PDE11A: variants seen among roughly 807,000 people sequenced by gnomAD.
PDE11A encodes phosphodiesterase 11A, also known as dual 3',5'-cyclic-AMP and -GMP phosphodiesterase 11A.
A neutral mutation model predicts 100.5 loss-of-function variants in PDE11A; 100 were observed. The observed-to-expected ratio is 1.00, with a 90% CI of 0.85 to 1.18. The LOEUF (loss-of-function observed/expected upper bound fraction) is 1.18. PDE11A is among the 50% of genes most tolerant of loss of function. The pLI is 0.00. For missense variants in PDE11A, 1,141 were observed against 1,152.6 expected (o/e 0.99, Z 0.15); for synonymous variants, 381 against 420.8 (o/e 0.91, Z 1.16).
chr2:177,769,287 T>A, intron 10 of PDE11A, 36 bp downstream of exon 10: 3 of 1,278,304 alleles, frequency 2.3e-6, no homozygotes, highest in South Asian at 1.2e-5. Flanking sequence ...GAAGTTTAAC[T>A]GTATGCACTA....
At chr2:177,757,996 T>C (rs1039529242) in intron 10 of PDE11A, among the ~76,000 whole-genome samples, 3 of 151,968 alleles carry the variant, frequency 2.0e-5, no homozygotes, top group African/African-American at 7.3e-5. Context: ...TCTTAGAATA[T>C]TCTCTGTGGA....
At chr2:177,775,488 T>C (rs1558932429) in intron 9 of PDE11A, among the ~76,000 whole-genome samples, 3 of 152,174 alleles carry the variant, frequency 2.0e-5, no homozygotes, top group Non-Finnish European at 4.4e-5. Flanking sequence ...TTTCCTTCAA[T>C]GGCATCCACA....
intron 1 of PDE11A, among the ~76,000 whole-genome samples, chr2:178,026,669 A>T (rs995705864): frequency 1.3e-4 from 20 of 152,042 alleles, no homozygotes; most frequent in African/African-American, 4.6e-4. Flanking sequence ...TCAAAAAAAA[A>T]AAAAGAAAAG....
At chr2:177,889,413 G>A (rs936540046) in intron 4 of PDE11A, among the ~76,000 whole-genome samples, 1 of 151,970 alleles carries the variant, frequency 6.6e-6, no homozygotes, top group African/African-American at 2.4e-5. Context: ...CTGAAATGGT[G>A]TGTTCCTTCA....
At chr2:177,682,536 T>C (rs561633591) in intron 15 of PDE11A, among the ~76,000 whole-genome samples, 1 of 152,372 alleles carries the variant, frequency 6.6e-6, no homozygotes, top group South Asian at 2.1e-4. Context: ...AGGAATATTT[T>C]AGTTAGATGA....
chr2:177,971,040 A>G (rs1012681586), intron 2 of PDE11A, among the ~76,000 whole-genome samples: 4 of 152,190 alleles, frequency 2.6e-5, no homozygotes, highest in African/African-American at 9.7e-5. Flanking sequence ...ATACATTCAC[A>G]CTTGAGTAAT....
intron 6 of PDE11A, among the ~76,000 whole-genome samples, chr2:177,829,382 A>G (rs1037011411): frequency 6.6e-6 from 1 of 152,074 alleles, no homozygotes; most frequent in African/African-American, 2.4e-5. Context: ...GGATATATAG[A>G]TTGCTTCATG....
At chr2:178,078,538 G>T (rs1334148202) in intron 2 of PDE11A, among the ~76,000 whole-genome samples, 7 of 152,072 alleles carry the variant, frequency 4.6e-5, no homozygotes, top group Non-Finnish European at 8.8e-5. Context: ...ATATCTTGGT[G>T]AACGATAATG....
intron 5 of PDE11A, among the ~76,000 whole-genome samples, chr2:177,853,938 G>A (rs555031782): frequency 6.8e-6 from 1 of 146,316 alleles, no homozygotes; most frequent in African/African-American, 2.5e-5. Flanking sequence ...ATATATGTGT[G>A]TATATATATC....
At chr2:177,631,808 C>T (rs966401239) in intron 19 of PDE11A, among the ~76,000 whole-genome samples, 3 of 151,560 alleles carry the variant, frequency 2.0e-5, no homozygotes, top group African/African-American at 4.9e-5. Flanking sequence ...TGGCATCCCA[C>T]GTGGATGAGG....
chr2:177,686,291 G>A (rs2080947403), intron 15 of PDE11A, among the ~76,000 whole-genome samples: 1 of 152,214 alleles, frequency 6.6e-6, no homozygotes, highest in South Asian at 2.1e-4. Flanking sequence ...GAGAGGCCAG[G>A]TATAGTGGGT....
intron 14 of PDE11A, among the ~76,000 whole-genome samples, chr2:177,699,396 G>A (rs926158048): frequency 2.6e-5 from 4 of 152,214 alleles, no homozygotes; most frequent in African/African-American, 9.6e-5. Flanking sequence ...ATCAAAACAT[G>A]TTGCATGTGA....
intron 16 of PDE11A, chr2:177,675,903 G>A (rs991688387): frequency 1.8e-5 from 6 of 336,618 alleles, no homozygotes; most frequent in Non-Finnish European, 3.5e-5. Flanking sequence ...ATACATGGCT[G>A]ATGAAACTAC....
At chr2:177,769,885 C>CA (rs10572990) in intron 9 of PDE11A, among the ~76,000 whole-genome samples, 2,203 of 70,208 alleles carry the variant, frequency 0.031, 32 homozygotes, top group Non-Finnish European at 0.043. Context: ...AAGACCCTAT[C>CA]AAAAAAAAAA....
At chr2:177,998,896 A>T in intron 2 of PDE11A, 1 of 505,626 alleles carries the variant, frequency 2.0e-6, no homozygotes, top group Non-Finnish European at 3.6e-6. Context: ...TTTAAAGTGT[A>T]AAACAATGGA....
At chr2:177,987,849 T>A (rs2105807658) in intron 2 of PDE11A, among the ~76,000 whole-genome samples, 1 of 152,372 alleles carries the variant, frequency 6.6e-6, no homozygotes, top group East Asian at 1.9e-4. Context: ...TTTATTAGCT[T>A]TTCAATGGCT....
intron 9 of PDE11A, among the ~76,000 whole-genome samples, chr2:177,800,763 G>A (rs995147975): frequency 6.6e-6 from 1 of 152,114 alleles, no homozygotes; most frequent in Non-Finnish European, 1.5e-5. Flanking sequence ...AGCCTAGCAG[G>A]AGTACACTAG....
chr2:177,893,806 T>C (rs917039355), intron 4 of PDE11A, among the ~76,000 whole-genome samples: 1 of 152,180 alleles, frequency 6.6e-6, no homozygotes, highest in East Asian at 1.9e-4. Flanking sequence ...TCATAAGTAA[T>C]ATGGAAAAGG....
intron 15 of PDE11A, among the ~76,000 whole-genome samples, chr2:177,682,706 TAA>T (rs1430031193): frequency 1.3e-5 from 2 of 151,858 alleles, no homozygotes; most frequent in Non-Finnish European, 2.9e-5. Flanking sequence ...ATGCTAGACT[TAA>T]GAGGTGCTCC....
Sources: allele counts gnomAD v4.1 joint callset (sites outside exome capture counted in the v4.1 genomes callset), GRCh38; gene constraint gnomAD v4.1.1; transcripts MANE v1.5; gene names NCBI Gene and HGNC (gene_info 2026-07-23, HGNC 2026-07-21).